The following BAZ2A variants were observed in gnomAD, a reference collection of about 807,000 sequenced individuals.
BAZ2A encodes the protein bromodomain adjacent to zinc finger domain protein 2A.
Under a neutral mutation model 199.9 loss-of-function variants are expected in BAZ2A, and 34 were observed. That is an observed-to-expected ratio of 0.17 (90% confidence interval 0.13 to 0.23). BAZ2A has a LOEUF of 0.23. BAZ2A is among the 10% of genes least tolerant of loss of function. The pLI, the probability that BAZ2A is intolerant of heterozygous loss-of-function variation, is 1.00. For missense variants in BAZ2A, 2,002 were observed against 2,391.1 expected (o/e 0.84, Z 3.39); for synonymous variants, 857 against 883.9 (o/e 0.97, Z 0.54).
Position 56,597,562 on chromosome 12 carries a change from G to GCACACACACACACACACACACACACA in BAZ2A, c.*1055_*1056insTGTGTGTGTGTGTGTGTGTGTGTGTG, listed in dbSNP as rs56185332. ...TCAAACAATACAGGGTCACAAGCAC[G>GCACACACACACACACACACACACACA]CACACACACACACACACACAGCGCG... On this transcript the variant is annotated 3_prime_UTR_variant, in exon 29 of 29. Coordinates refer to ENST00000549884, the MANE Select transcript of BAZ2A (RefSeq NM_001300905.2). The GCACACACACACACACACACACACACA allele has an allele frequency of 3.6e-5, 5 of 138,718 alleles. No homozygotes were observed. The highest frequency in any genetic ancestry group is 1.2e-4 in the African/African-American group (4 of 33,652). 8.6% of individuals were successfully genotyped at this position (138,718 alleles called of 1,614,324 possible).
chr12:56,602,647 G>A, intron 19 of BAZ2A, 66 bp downstream of exon 19: 6 of 1,565,410 alleles, frequency 3.8e-6, no homozygotes, highest in South Asian at 1.1e-5. Flanking sequence ...AGACTACTAA[G>A]GAAAAGGAAT....
chr12:56,600,663 G>A lies in BAZ2A; in HGVS notation c.4602+18C>T, dbSNP rs1269157321. 6.2e-7 allele frequency: 1 copy of A among 1,610,696 alleles called. No homozygotes were observed. The highest frequency in any genetic ancestry group is 1.3e-5 in the African/African-American group (1 of 74,872). ...TGCTTTTCCCCAACCTTCCTACACA[G>A]TGCCAATCCCAGCATACCCGAATCT... On this transcript the variant is annotated intron_variant, in intron 23 of 28. Transcript: ENST00000549884.
rs757732182 is a variant in BAZ2A, at chr12:56,599,255, C to A, written c.5276G>T (p.Arg1759Leu). The A allele has an allele frequency of 6.2e-7, 1 of 1,613,130 alleles. No homozygotes were observed. Among genetic ancestry groups the A allele is most frequent in the South Asian group, 1.1e-5 (1 of 90,878 alleles). Residue 1759 changes from arginine (R) to leucine (L), a missense_variant, in exon 27 of 29, where the codon CGC becomes CTC. Arg to Leu is a moderately radical substitution (Grantham distance 102). Transcript: ENST00000549884. ...TTCTCGGCCCCTCAACAGTACCCGG[C>A]GTCGGCGGCCATCACCCTCTGAGAA... Reference protein sequence around the residue: ...LNFSEGDGRRRRVLLRGRESP... With the variant: ...LNFSEGDGRRLRVLLRGRESP...
Position 56,601,576 on chromosome 12 carries a change from G to C in BAZ2A, c.4041C>G (p.Pro1347=). 6.2e-7 allele frequency: 1 copy of C among 1,613,550 alleles called. No homozygotes were observed. Among genetic ancestry groups the C allele is most frequent in the East Asian group, 2.2e-5 (1 of 44,888 alleles). ...PPAVSEDQPT[P]SPQQLASSKP... is the part of the protein sequence containing the mutation. ...TGGAGGAGGCAAGCTGCTGAGGGGA[G>C]GGAGTGGGTTGGTCCTCAGAAACTG... The change falls in exon 20 of 29, where the codon CCC becomes CCG. Residue 1347 remains proline (P), a synonymous_variant. Coordinates refer to ENST00000549884, the MANE Select transcript of BAZ2A (RefSeq NM_001300905.2).
At chr12:56,613,860 T>C (rs991892567) in intron 4 of BAZ2A, 93 bp downstream of exon 4, 22 of 1,359,668 alleles carry the variant, frequency 1.6e-5, no homozygotes, top group African/African-American at 1.3e-4. Context: ...GTGCCCCTGA[T>C]TGCCTAATAC....
rs774345157 is a variant in BAZ2A, at chr12:56,603,525, C to T, written c.3214G>A (p.Gly1072Arg). 4 of 1,614,028 alleles carry T rather than the reference C, an allele frequency of 2.5e-6. No individual in the cohort carries two copies. In the South Asian group the frequency reaches 3.3e-5, roughly 13 times the overall value. ...CCTTGATCTTGGGCCAGTACCTCTC[C>T]ATCTCTTCGACCCCTGCGGCCAGGG... is the stretch of plus-strand genomic sequence containing the variant. ...AVPGRRGRRD[G>R]EVDATASSIP... Residue 1072 changes from glycine (G) to arginine (R), a missense_variant, in exon 17 of 29, where the codon GGA (glycine) becomes AGA (arginine). Physicochemically the swap from Gly to Arg is moderately radical, Grantham distance 125. This residue lies in a region of BAZ2A where 1,081 missense variants were observed against 1,274.7 expected (regional missense o/e 0.85). Coordinates refer to ENST00000549884, the MANE Select transcript of BAZ2A (RefSeq NM_001300905.2).
In BAZ2A at chr12:56,606,645, A is replaced by G; in HGVS notation, c.2181T>C (p.Thr727=). The G allele has an allele frequency of 6.2e-7, 1 of 1,613,794 alleles. No individual in the cohort carries two copies. Among genetic ancestry groups the G allele is most frequent in the Non-Finnish European group, 8.5e-7 (1 of 1,179,732 alleles). The change falls in exon 11 of 29, where the codon ACT becomes ACC. Residue 727 remains threonine (T), a synonymous_variant. Coordinates refer to ENST00000549884, the MANE Select transcript of BAZ2A (RefSeq NM_001300905.2). ...TGATGTCCCTCACCTGCCCTTGGAT[A>G]GTAGTCTGACACTCTCCCCGTTGAA... ...QKVQRGECQT[T]IQGQARNKRK...
rs1885902218 is a variant in BAZ2A at position 56,597,221 on chromosome 12, G to A, written c.*1397C>T. 6.5e-6 allele frequency: 1 copy of A among 152,672 alleles called. No homozygotes were observed. Among genetic ancestry groups the A allele is most frequent in the Admixed American group, 6.6e-5 (1 of 15,252 alleles). 9.5% of individuals were successfully genotyped at this position (152,672 alleles called of 1,614,324 possible). On this transcript the variant is annotated 3_prime_UTR_variant, in exon 29 of 29. Transcript: ENST00000549884. Reference sequence around the variant, plus strand: ...CCTCCCTACTCTCCTGTGCTCCAGGGTCTCTGCTGCTGGGGAAGGGGTCCT... The same window carrying A: ...CCTCCCTACTCTCCTGTGCTCCAGGATCTCTGCTGCTGGGGAAGGGGTCCT...
At chr12:56,637,170 G>A (rs555171004), upstream of BAZ2A, among the ~76,000 whole-genome samples, 119 of 152,350 alleles carry the variant, frequency 7.8e-4, 1 homozygote, top group Middle Eastern at 3.4e-3. Flanking sequence ...TGGGATCAGA[G>A]TTCTTGCAGA....
In BAZ2A at chr12:56,602,139, C is replaced by T; in HGVS notation, c.3478G>A (p.Ala1160Thr). The change falls in exon 20 of 29, where the codon GCG becomes ACG. Residue 1160 changes from alanine to threonine, a missense_variant. By Grantham distance (58) the Ala-to-Thr change is moderately conservative (BLOSUM62 0). This residue lies in a region of BAZ2A where 1,081 missense variants were observed against 1,274.7 expected (regional missense o/e 0.85). Coordinates refer to ENST00000549884, the MANE Select transcript of BAZ2A (RefSeq NM_001300905.2). ...ETDSLKVAAH[A>T]SLNPALFSMK... is the part of the protein sequence containing the mutation. Reference sequence around the variant, plus strand: ...GAGAAGAGGGCAGGGTTGAGTGACGCATGGGCTGCCACTTTTAAGGAGTCA... The same window carrying T: ...GAGAAGAGGGCAGGGTTGAGTGACGTATGGGCTGCCACTTTTAAGGAGTCA... 1 of 1,592,984 alleles carries T rather than the reference C, an allele frequency of 6.3e-7. No individual in the cohort carries two copies. Among genetic ancestry groups the T allele is most frequent in the South Asian group, 1.1e-5 (1 of 87,346 alleles).
chr12:56,603,244 G>A, intron 18 of BAZ2A, 115 bp downstream of exon 18: 1 of 1,222,936 alleles, frequency 8.2e-7, no homozygotes, highest in Non-Finnish European at 1.2e-6. Context: ...CTCCAGCCTG[G>A]GTAACAGAAA....
chr12:56,615,700 G>A, intron 2 of BAZ2A, 93 bp from the exon 3 acceptor site: 6 of 1,035,428 alleles, frequency 5.8e-6, no homozygotes, highest in African/African-American at 1.6e-5. Context: ...ACTAGAAAAA[G>A]ACATGGTAAA....
chr12:56,620,102 G>C (rs550294440), intron 1 of BAZ2A, among the ~76,000 whole-genome samples: 1 of 151,574 alleles, frequency 6.6e-6, no homozygotes, highest in East Asian at 1.9e-4. Flanking sequence ...GGCTTCCCTG[G>C]ACCACACTGG....
rs1592583921 is a variant in BAZ2A at position 56,609,966 on chromosome 12, T to C, written c.1882-20A>G. The C allele has an allele frequency of 6.2e-7, 1 of 1,610,754 alleles. No homozygotes were observed. The highest frequency in any genetic ancestry group is 8.5e-7 in the Non-Finnish European group (1 of 1,178,998). On this transcript the variant is annotated intron_variant, in intron 9 of 28. Transcript: ENST00000549884. Reference sequence around the variant, plus strand: ...CAAGCCCTAAGGTAGCAAGGGAGACTGTTACAGTAGTAAGGAATCAGTGCA... The same window carrying C: ...CAAGCCCTAAGGTAGCAAGGGAGACCGTTACAGTAGTAAGGAATCAGTGCA...
Position 56,599,137 on chromosome 12 carries a change from T to C in BAZ2A, c.5394A>G (p.Thr1798=), listed in dbSNP as rs1390754452. Residue 1798 remains threonine (T), a synonymous_variant, in exon 27 of 29, where the codon ACA becomes ACG. Coordinates refer to ENST00000549884, the MANE Select transcript of BAZ2A (RefSeq NM_001300905.2). ...LSMRNHHSDL[T]FCEIILMEME... ...GGATTCACTCAACTCACTCGCAAAA[T>C]GTGAGATCACTGTGGTGGTTCCGCA... The C allele has an allele frequency of 6.8e-6, 11 of 1,610,722 alleles. No individual in the cohort carries two copies. The highest frequency in any genetic ancestry group is 1.3e-5 in the African/African-American group (1 of 74,964).
intron 1 of BAZ2A, 116 bp from the exon 2 acceptor site, chr12:56,617,648 T>C (rs1950766495): frequency 8.6e-7 from 1 of 1,163,164 alleles, no homozygotes; most frequent in Non-Finnish European, 1.2e-6. Context: ...TTCTCCTACC[T>C]AAGTACTGTG....
In BAZ2A at chr12:56,602,771, G is replaced by A; in HGVS notation, c.3366C>T (p.Arg1122=). 6.2e-7 allele frequency: 1 copy of A among 1,613,978 alleles called. No homozygotes were observed. Among genetic ancestry groups the A allele is most frequent in the African/African-American group, 1.3e-5 (1 of 75,064 alleles). The change falls in exon 19 of 29, where the codon CGC becomes CGT. Residue 1122 remains arginine, a synonymous_variant. Coordinates refer to ENST00000549884, the MANE Select transcript of BAZ2A (RefSeq NM_001300905.2). ...VSLGQDRYRR[R]YWVLPYLAGI... is the part of the protein sequence containing the mutation. ...CAGCCAAATACGGCAATACCCAGTA[G>A]CGACGTCTGTAGCGGTCCTGACCCA...
intron 5 of BAZ2A, 34 bp from the exon 6 acceptor site, chr12:56,612,280 A>G: frequency 6.5e-7 from 1 of 1,548,662 alleles, no homozygotes; most frequent in Non-Finnish European, 8.8e-7. Context: ...GGCTTTAAAA[A>G]AAAAAAAGGC....
In BAZ2A at chr12:56,601,356, G is replaced by A; in HGVS notation, c.4118C>T (p.Ser1373Phe). 1.2e-6 allele frequency: 2 copies of A among 1,613,988 alleles called. No individual in the cohort carries two copies. Among genetic ancestry groups the A allele is most frequent in the Non-Finnish European group, 1.7e-6 (2 of 1,179,878 alleles). ...AANPCSPVQF[S>F]STPLAGLAPK... Reference sequence around the variant, plus strand: ...GGCCAACCCAGCCAAGGGCGTGGAAGAGAACTGCACTGGAGAACAAGGGTT... The same window carrying A: ...GGCCAACCCAGCCAAGGGCGTGGAAAAGAACTGCACTGGAGAACAAGGGTT... The change falls in exon 21 of 29, where the codon TCT (serine) becomes TTT (phenylalanine). Residue 1373 changes from serine (S) to phenylalanine (F), a missense_variant. Physicochemically the swap from Ser to Phe is radical, Grantham distance 155. This residue lies in a region of BAZ2A where 1,081 missense variants were observed against 1,274.7 expected (regional missense o/e 0.85). Coordinates refer to ENST00000549884, the MANE Select transcript of BAZ2A (RefSeq NM_001300905.2).
Sources: gnomAD v4.1 joint callset for allele counts (sites outside exome capture counted in the v4.1 genomes callset) on GRCh38, gnomAD v4.1.1 for gene constraint, gnomAD v4.1.1 regional missense constraint, MANE v1.5 for transcripts, NCBI Gene and HGNC (gene_info 2026-07-23, HGNC 2026-07-21) for gene names.